PPP3CA: variants seen among roughly 807,000 people sequenced by gnomAD.
PPP3CA encodes protein phosphatase 3 catalytic subunit alpha, also known as CAM-PRP catalytic subunit.
Under a neutral mutation model 66.5 loss-of-function variants are expected in PPP3CA, and 14 were observed. The ratio of observed to expected loss-of-function variants is 0.21; its 90% CI spans 0.14 to 0.33. The LOEUF (loss-of-function observed/expected upper bound fraction) is 0.33. PPP3CA is among the 10% of genes least tolerant of loss of function. PPP3CA has a pLI of 1.00. For missense variants in PPP3CA, 317 were observed against 639.5 expected (o/e 0.50, Z 5.44); for synonymous variants, 232 against 226.2 (o/e 1.03, Z -0.23).
At chr4:101,305,972 T>C (rs945489744) in intron 1 of PPP3CA, among the ~76,000 whole-genome samples, 7 of 151,964 alleles carry the variant, frequency 4.6e-5, no homozygotes, top group Non-Finnish European at 8.8e-5. Flanking sequence ...TACAGTGAAG[T>C]AGGAGATTTT....
At chr4:101,061,231 G>T in intron 9 of PPP3CA, 70 bp from the exon 10 acceptor site, 2 of 1,299,566 alleles carry the variant, frequency 1.5e-6, no homozygotes, top group Middle Eastern at 1.9e-4. Flanking sequence ...CTCTGGCATT[G>T]TTAATGAGCA....
intron 11 of PPP3CA, among the ~76,000 whole-genome samples, chr4:101,034,558 C>T (rs908748408): frequency 1.3e-5 from 2 of 149,864 alleles, no homozygotes; most frequent in African/African-American, 4.9e-5. Flanking sequence ...GCTTTAATCA[C>T]TGCTGCATCC....
chr4:101,244,582 G>A (rs1369389977), intron 1 of PPP3CA, among the ~76,000 whole-genome samples: 2 of 152,070 alleles, frequency 1.3e-5, no homozygotes, highest in African/African-American at 2.4e-5. Context: ...TACGCTATAC[G>A]CCCTCCCCCG....
intron 10 of PPP3CA, among the ~76,000 whole-genome samples, chr4:101,056,872 T>G (rs1413813842): frequency 2.0e-5 from 3 of 151,054 alleles, no homozygotes; most frequent in African/African-American, 7.3e-5. Context: ...TCAATATACG[T>G]TGTCAATAAA....
chr4:101,052,527 T>C (rs1728056642), intron 10 of PPP3CA, among the ~76,000 whole-genome samples: 1 of 151,852 alleles, frequency 6.6e-6, no homozygotes, highest in Non-Finnish European at 1.5e-5. Context: ...AGACAAACGA[T>C]TTAGCTTTTA....
chr4:101,255,035 C>CAAAA (rs1163406764), intron 1 of PPP3CA, among the ~76,000 whole-genome samples: 25 of 44,652 alleles, frequency 5.6e-4, no homozygotes, highest in East Asian at 1.2e-3. Flanking sequence ...AGTCCCGTCT[C>CAAAA]AAAAAAAAAA....
intron 8 of PPP3CA, among the ~76,000 whole-genome samples, chr4:101,076,665 C>T (rs1011549137): frequency 1.3e-5 from 2 of 152,014 alleles, no homozygotes; most frequent in African/African-American, 4.8e-5. Flanking sequence ...TTGCTCAGGG[C>T]AATGAGGTTT....
intron 1 of PPP3CA, among the ~76,000 whole-genome samples, chr4:101,233,369 A>G (rs1000527688): frequency 6.6e-6 from 1 of 151,844 alleles, no homozygotes; most frequent in Non-Finnish European, 1.5e-5. Flanking sequence ...TCTTTGACAT[A>G]GCAAGCTGAA....
intron 12 of PPP3CA, among the ~76,000 whole-genome samples, chr4:101,030,127 TA>T (rs1320615080): frequency 1.3e-5 from 2 of 152,178 alleles, no homozygotes; most frequent in African/African-American, 2.4e-5. Context: ...ACTTCCACTA[TA>T]TAAGTATATG....
At chr4:101,234,323 T>C (rs1726058934) in intron 1 of PPP3CA, among the ~76,000 whole-genome samples, 1 of 151,810 alleles carries the variant, frequency 6.6e-6, no homozygotes, top group East Asian at 1.9e-4. Flanking sequence ...CTTTTCACAA[T>C]AGCTGAAATA....
At chr4:101,098,579 G>T (rs1016735033) in intron 4 of PPP3CA, 67 bp from the exon 5 acceptor site, 7 of 1,469,744 alleles carry the variant, frequency 4.8e-6, no homozygotes, top group Non-Finnish European at 4.6e-6. Flanking sequence ...AATAGTTTTG[G>T]TTTTTTGAGA....
intron 1 of PPP3CA, among the ~76,000 whole-genome samples, chr4:101,274,436 A>C (rs955486476): frequency 1.3e-5 from 2 of 152,218 alleles, no homozygotes; most frequent in African/African-American, 4.8e-5. Context: ...ACAACATCCA[A>C]AATTAACAAA....
At chr4:101,173,643 G>C (rs2110317481) in intron 2 of PPP3CA, among the ~76,000 whole-genome samples, 1 of 152,180 alleles carries the variant, frequency 6.6e-6, no homozygotes, top group East Asian at 1.9e-4. Context: ...GTTTAGCAAA[G>C]ATGTCTTCCA....
chr4:101,166,768 A>C (rs1178494716), intron 2 of PPP3CA, among the ~76,000 whole-genome samples: 4 of 152,210 alleles, frequency 2.6e-5, no homozygotes, highest in Admixed American at 2.6e-4. Context: ...AAGCAACAAC[A>C]ATATGAAGAC....
intron 8 of PPP3CA, among the ~76,000 whole-genome samples, chr4:101,079,409 C>T (rs1249003935): frequency 6.8e-5 from 10 of 146,882 alleles, no homozygotes; most frequent in East Asian, 2.1e-4. Context: ...GATGGAGTCT[C>T]GCTCTGTCGC....
intron 2 of PPP3CA, among the ~76,000 whole-genome samples, chr4:101,137,904 C>T (rs1722675315): frequency 6.7e-6 from 1 of 149,162 alleles, no homozygotes. Context: ...AAAAAACCTT[C>T]CACACACATG....
chr4:101,301,819 T>TA, intron 1 of PPP3CA, among the ~76,000 whole-genome samples: 1 of 148,284 alleles, frequency 6.7e-6, no homozygotes, highest in African/African-American at 2.5e-5. Context: ...AGCACCATAT[T>TA]TTATATATAT....
intron 2 of PPP3CA, among the ~76,000 whole-genome samples, chr4:101,176,217 C>A (rs185828199): frequency 1.3e-5 from 2 of 152,246 alleles, no homozygotes; most frequent in African/African-American, 4.8e-5. Context: ...ATGTGATCTA[C>A]AGGGTTTTTG....
intron 10 of PPP3CA, among the ~76,000 whole-genome samples, chr4:101,043,605 T>C (rs997504675): frequency 6.6e-6 from 1 of 151,550 alleles, no homozygotes; most frequent in Admixed American, 6.6e-5. Context: ...CCGGGCGCAG[T>C]GGCTCACGCC....
Sources: gnomAD v4.1 joint callset for allele counts (sites outside exome capture counted in the v4.1 genomes callset) on GRCh38, gnomAD v4.1.1 for gene constraint, MANE v1.5 for transcripts, NCBI Gene and HGNC (gene_info 2026-07-23, HGNC 2026-07-21) for gene names.